Variants in TBC1D31 observed in about 807,000 individuals in gnomAD.
TBC1D31 encodes the protein WD repeat domain 67.
Under a neutral mutation model 132.9 loss-of-function variants are expected in TBC1D31, and 99 were observed. The observed-to-expected ratio is 0.74, with a 90% confidence interval of 0.63 to 0.88. The LOEUF (loss-of-function observed/expected upper bound fraction) is 0.88. Ranked by LOEUF, TBC1D31 falls within the 40% of genes least tolerant of loss-of-function variation. The pLI, the probability that TBC1D31 is intolerant of heterozygous loss-of-function variation, is 0.00. For missense variants in TBC1D31, 1,134 were observed against 1,256.6 expected, an observed-to-expected ratio of 0.90 and a Z score of 1.48; for synonymous variants, 385 against 419.4, an observed-to-expected ratio of 0.92 and a Z score of 1.00.
At chr8:123,081,093 CTT>C (rs1815104035) in intron 2 of TBC1D31, among the ~76,000 whole-genome samples, 1 of 152,316 alleles carries the variant, frequency 6.6e-6, no homozygotes, top group South Asian at 2.1e-4. Flanking sequence ...AGTAAATACT[CTT>C]GTCTTCCCAT....
In TBC1D31 at chr8:123,097,328, T is replaced by C; in HGVS notation, c.718T>C (p.Leu240=). The part of the protein sequence containing the change: ...AAGGKSNHLH[L]WCLEARQLFR... ...TGGAGGCAAGTCAAATCATCTTCATTTGTGGTGCTTGGAAGCTAGGCAGCT... is the reference window on the plus strand; with the variant it reads ...TGGAGGCAAGTCAAATCATCTTCATCTGTGGTGCTTGGAAGCTAGGCAGCT... Residue 240 remains leucine (L), a synonymous_variant, in exon 6 of 22, where the codon TTG becomes CTG. Coordinates refer to ENST00000287380, the MANE Select transcript of TBC1D31 (RefSeq NM_145647.4). 6.2e-7 allele frequency: 1 copy of C among 1,614,214 alleles called. No homozygotes were observed.
chr8:123,143,971 T>C (rs1821937686), intron 19 of TBC1D31, among the ~76,000 whole-genome samples: 1 of 152,224 alleles, frequency 6.6e-6, no homozygotes, highest in Non-Finnish European at 1.5e-5. Flanking sequence ...CTGACTTGAC[T>C]ACTGCGTGGC....
intron 21 of TBC1D31, 131 bp from the exon 22 acceptor site, chr8:123,151,675 A>G (rs1377305710): frequency 3.5e-6 from 3 of 860,318 alleles, no homozygotes; most frequent in African/African-American, 1.8e-5. Context: ...GCCAGGTTAT[A>G]TGTAAAATTT....
At chr8:123,153,700 T>C (rs573175820), downstream of TBC1D31, among the ~76,000 whole-genome samples, 176 of 152,388 alleles carry the variant, frequency 1.2e-3, no homozygotes, top group Non-Finnish European at 2.1e-3. Flanking sequence ...ATATCTTCAA[T>C]CTTCAATTTC....
At chr8:123,097,703 C>A in intron 6 of TBC1D31, 1 of 275,976 alleles carries the variant, frequency 3.6e-6, no homozygotes, top group Non-Finnish European at 6.7e-6. Flanking sequence ...TGTGCTTTAG[C>A]ATGCAATTTT....
chr8:123,125,933 G>GTT, intron 11 of TBC1D31, 123 bp from the exon 12 acceptor site: 4 of 656,708 alleles, frequency 6.1e-6, no homozygotes, highest in South Asian at 4.7e-5. Context: ...AATATAAAGA[G>GTT]TTTTTTTTTA....
chr8:123,092,085 G>C (rs1451899176), intron 4 of TBC1D31, among the ~76,000 whole-genome samples: 1 of 152,044 alleles, frequency 6.6e-6, no homozygotes, highest in Non-Finnish European at 1.5e-5. Context: ...CGCAATCTCA[G>C]CTCATTGCAA....
intron 2 of TBC1D31, among the ~76,000 whole-genome samples, chr8:123,081,391 C>CT (rs71310656): frequency 0.69 from 104,804 of 151,978 alleles, 36,559 homozygotes; most frequent in African/African-American, 0.79. Flanking sequence ...AGATTGGGCT[C>CT]CCAGGAGCCA....
chr8:123,114,123 G>A (rs995099683), intron 10 of TBC1D31, among the ~76,000 whole-genome samples: 3 of 152,206 alleles, frequency 2.0e-5, no homozygotes, highest in African/African-American at 4.8e-5. Context: ...GTGGCATGAT[G>A]TCTGGGATTT....
intron 17 of TBC1D31, among the ~76,000 whole-genome samples, chr8:123,136,960 G>A (rs1438443530): frequency 1.3e-5 from 2 of 152,136 alleles, no homozygotes; most frequent in Non-Finnish European, 2.9e-5. Context: ...ATTGGCTGTA[G>A]TGATTGCCAC....
chr8:123,082,818 G>A lies in TBC1D31; in HGVS notation c.340+1G>A, dbSNP rs1815305980. 1.3e-6 allele frequency: 2 copies of A among 1,584,082 alleles called. No homozygotes were observed. The highest frequency in any genetic ancestry group is 2.2e-5 in the East Asian group (1 of 44,734). ...TATTCTATTAAATGTTTTGATACAG[G>A]TAAGAAGTTCTCCTATTTTTCTTTT... is the stretch of plus-strand genomic sequence containing the variant. On this transcript the variant is annotated splice_donor_variant, in intron 3 of 21. Coordinates refer to ENST00000287380, the MANE Select transcript of TBC1D31 (RefSeq NM_145647.4). LOFTEE classifies it high-confidence loss of function.
intron 4 of TBC1D31, among the ~76,000 whole-genome samples, chr8:123,086,975 C>G (rs542891048): frequency 2.0e-5 from 3 of 152,302 alleles, no homozygotes; most frequent in Non-Finnish European, 4.4e-5. Context: ...GCCTGGTCTC[C>G]CAAAGTGCTG....
chr8:123,110,404 T>C (rs1214299457), intron 10 of TBC1D31, among the ~76,000 whole-genome samples: 4 of 152,138 alleles, frequency 2.6e-5, no homozygotes, highest in Admixed American at 1.3e-4. Flanking sequence ...ATTTGACTTA[T>C]AGGTAAAGAA....
chr8:123,112,003 G>A (rs1396045875), intron 10 of TBC1D31, among the ~76,000 whole-genome samples: 4 of 152,058 alleles, frequency 2.6e-5, no homozygotes, highest in East Asian at 3.9e-4. Context: ...GGTATGCACC[G>A]CCATGCCTGG....
intron 20 of TBC1D31, among the ~76,000 whole-genome samples, chr8:123,147,819 C>T (rs1043264523): frequency 6.6e-6 from 1 of 152,064 alleles, no homozygotes; most frequent in Non-Finnish European, 1.5e-5. Context: ...GAGATAATCA[C>T]CTACCATTAA....
chr8:123,163,494 A>T, the TBC1D31 span, among the ~76,000 whole-genome samples: 10 of 150,668 alleles, frequency 6.6e-5, no homozygotes, highest in Non-Finnish European at 1.2e-4. Context: ...CCTCCCAAGT[A>T]GCTGGGACCA....
intron 5 of TBC1D31, among the ~76,000 whole-genome samples, chr8:123,095,148 A>C (rs1350271449): frequency 6.6e-6 from 1 of 152,118 alleles, no homozygotes; most frequent in Non-Finnish European, 1.5e-5. Flanking sequence ...TATACTGGTT[A>C]TACCTGTATT....
At chr8:123,163,686 ATT>A in the TBC1D31 span, among the ~76,000 whole-genome samples, 2 of 152,070 alleles carry the variant, frequency 1.3e-5, no homozygotes, top group South Asian at 2.1e-4. Context: ...ATTTTTAAAA[ATT>A]TTTTATTTCA....
At chr8:123,074,295 C>T (rs1265546023) in intron 1 of TBC1D31, among the ~76,000 whole-genome samples, 1 of 152,184 alleles carries the variant, frequency 6.6e-6, no homozygotes, top group African/African-American at 2.4e-5. Flanking sequence ...ACTGGGATTA[C>T]AGGCGTAAGC....
Sources: gnomAD v4.1 joint callset for allele counts (sites outside exome capture counted in the v4.1 genomes callset) on GRCh38, gnomAD v4.1.1 for gene constraint, MANE v1.5 for transcripts, NCBI Gene and HGNC (gene_info 2026-07-23, HGNC 2026-07-21) for gene names.